Variants in FAR2 observed in about 807,000 individuals in gnomAD.
FAR2 encodes the protein fatty acyl-CoA reductase 2, also known as epididymis secretory protein Li 81.
In FAR2, 19 loss-of-function variants were observed where a neutral mutation model predicts 56.0. That is an observed-to-expected ratio of 0.34 (90% CI 0.24 to 0.50). FAR2 has a LOEUF of 0.50. Ranked by LOEUF, FAR2 falls within the 20% of genes least tolerant of loss-of-function variation. The probability of loss-of-function intolerance (pLI) is 0.98; values close to 1 mark genes in which losing one functional copy is unlikely to be tolerated. For synonymous variants in FAR2, 219 were observed against 218.8 expected (o/e 1.00, Z -0.01); for missense variants, 508 against 642.2 (o/e 0.79, Z 2.26).
At chr12:29,296,396 C>G (rs1218924714) in intron 3 of FAR2, among the ~76,000 whole-genome samples, 1 of 152,124 alleles carries the variant, frequency 6.6e-6, no homozygotes, top group Non-Finnish European at 1.5e-5. Flanking sequence ...TTAAACTTTT[C>G]AAAATACATA....
intron 4 of FAR2, among the ~76,000 whole-genome samples, chr12:29,307,214 T>C (rs1436062300): frequency 1.2e-4 from 19 of 152,074 alleles, no homozygotes; most frequent in Admixed American, 1.2e-3. Context: ...AGAGAGGAAG[T>C]AAAGTAATAA....
At chr12:29,224,928 A>T (rs573504198) in intron 1 of FAR2, among the ~76,000 whole-genome samples, 4 of 152,198 alleles carry the variant, frequency 2.6e-5, no homozygotes, top group Non-Finnish European at 5.9e-5. Context: ...TGAATTCACA[A>T]GTAGTTAGAG....
At chr12:29,234,331 A>G (rs1390895902) in intron 1 of FAR2, among the ~76,000 whole-genome samples, 1 of 152,078 alleles carries the variant, frequency 6.6e-6, no homozygotes, top group Non-Finnish European at 1.5e-5. Flanking sequence ...CCTAGTCAAT[A>G]TCATCAGCAC....
intron 1 of FAR2, among the ~76,000 whole-genome samples, chr12:29,256,325 T>G (rs531727974): frequency 8.1e-4 from 123 of 152,238 alleles, no homozygotes; most frequent in African/African-American, 2.9e-3. Flanking sequence ...GTAGCTGAGA[T>G]TACAGGCATG....
At chr12:29,295,129 T>C (rs1360326420) in intron 3 of FAR2, among the ~76,000 whole-genome samples, 2 of 152,116 alleles carry the variant, frequency 1.3e-5, no homozygotes, top group Non-Finnish European at 2.9e-5. Flanking sequence ...CTGGAGTGCA[T>C]TGGCGTGATC....
chr12:29,222,209 G>A lies in FAR2; in HGVS notation c.-38-48203G>A, dbSNP rs116738662. On this transcript the variant is annotated intron_variant, in intron 1 of 11. Transcript: ENST00000536681. ...CATCACTCACTGTTATAAGAAAATCGGTCTCTGAGCATTACATACTCTTCC... is the reference window on the plus strand; with the variant it reads ...CATCACTCACTGTTATAAGAAAATCAGTCTCTGAGCATTACATACTCTTCC... Among the ~76,000 whole-genome samples the A allele has an allele frequency of 4.0e-3, 613 of 152,108 alleles. 8 individuals carry two copies. Among genetic ancestry groups the A allele is most frequent in the African/African-American group, 0.014 (568 of 41,498 alleles).
chr12:29,176,902 G>C (rs1949944389), intron 1 of FAR2, among the ~76,000 whole-genome samples: 1 of 152,182 alleles, frequency 6.6e-6, no homozygotes, highest in Non-Finnish European at 1.5e-5. Context: ...GTGATGGCTT[G>C]GTTGTGGAGA....
chr12:29,239,146 G>C (rs1947984640), intron 1 of FAR2, among the ~76,000 whole-genome samples: 1 of 152,132 alleles, frequency 6.6e-6, no homozygotes, highest in Non-Finnish European at 1.5e-5. Flanking sequence ...CATCAGCTTT[G>C]CTGTATTGTT....
intron 1 of FAR2, among the ~76,000 whole-genome samples, chr12:29,165,740 T>C (rs1429453160): frequency 6.6e-6 from 1 of 152,198 alleles, no homozygotes; most frequent in Non-Finnish European, 1.5e-5. Flanking sequence ...TTGTACCAAA[T>C]AGGTAAACAT....
At chr12:29,189,144 C>A (rs1030816758) in intron 1 of FAR2, among the ~76,000 whole-genome samples, 1 of 152,104 alleles carries the variant, frequency 6.6e-6, no homozygotes, top group South Asian at 2.1e-4. Flanking sequence ...CCGCATCTCC[C>A]GGAAAGGGGA....
chr12:29,178,003 A>T (rs867966656), intron 1 of FAR2, among the ~76,000 whole-genome samples: 4 of 152,160 alleles, frequency 2.6e-5, no homozygotes, highest in African/African-American at 9.6e-5. Flanking sequence ...GATGGTGGAT[A>T]GTCTATGCTG....
At chr12:29,291,097 T>C (rs1182150337) in intron 2 of FAR2, among the ~76,000 whole-genome samples, 3 of 152,136 alleles carry the variant, frequency 2.0e-5, no homozygotes, top group African/African-American at 7.2e-5. Context: ...AAACATCTCA[T>C]GTACCCCATA....
chr12:29,154,423 T>G (rs2136571565), intron 1 of FAR2, among the ~76,000 whole-genome samples: 1 of 116,662 alleles, frequency 8.6e-6, no homozygotes, highest in South Asian at 2.5e-4. Flanking sequence ...TGTTTTTTTT[T>G]TTGTTTTGTT....
chr12:29,320,868 TG>T (rs1429795598), intron 9 of FAR2, among the ~76,000 whole-genome samples: 3 of 152,188 alleles, frequency 2.0e-5, no homozygotes, highest in Non-Finnish European at 2.9e-5. Context: ...GTTCATCTTG[TG>T]TAATGGGACA....
chr12:29,235,045 A>T (rs1947917398), intron 1 of FAR2, among the ~76,000 whole-genome samples: 2 of 152,194 alleles, frequency 1.3e-5, no homozygotes, highest in South Asian at 4.1e-4. Flanking sequence ...GCCAAGTTTG[A>T]TCTAAGTGTT....
chr12:29,289,272 C>A (rs1236533586), intron 2 of FAR2, among the ~76,000 whole-genome samples: 3 of 152,130 alleles, frequency 2.0e-5, no homozygotes, highest in African/African-American at 7.2e-5. Flanking sequence ...CTGGAGGAAT[C>A]ACATTACTTG....
chr12:29,155,997 T>C (rs1296668484), intron 1 of FAR2, among the ~76,000 whole-genome samples: 1 of 152,162 alleles, frequency 6.6e-6, no homozygotes, highest in African/African-American at 2.4e-5. Flanking sequence ...CTGCATCATC[T>C]CATTTTTAGG....
At chr12:29,304,542 C>G (rs1949225035) in intron 4 of FAR2, among the ~76,000 whole-genome samples, 1 of 152,178 alleles carries the variant, frequency 6.6e-6, no homozygotes, top group Non-Finnish European at 1.5e-5. Flanking sequence ...TCCTGATAAA[C>G]TACTAGGCTT....
chr12:29,207,247 T>A (rs1399315791), intron 1 of FAR2, among the ~76,000 whole-genome samples: 1 of 152,114 alleles, frequency 6.6e-6, no homozygotes, highest in African/African-American at 2.4e-5. Flanking sequence ...TTTCCTCACT[T>A]CCCACTCTGG....
Sources: gnomAD v4.1 joint callset for allele counts (sites outside exome capture counted in the v4.1 genomes callset) on GRCh38, gnomAD v4.1.1 for gene constraint, MANE v1.5 for transcripts, NCBI Gene and HGNC (gene_info 2026-07-23, HGNC 2026-07-21) for gene names.